The following PAM variants were observed in gnomAD, a reference collection of about 807,000 sequenced individuals.
The protein encoded by PAM is peptidylglycine alpha-amidating monooxygenase.
A neutral mutation model predicts 122.1 loss-of-function variants in PAM; 72 were observed. The observed-to-expected ratio is 0.59, with a 90% confidence interval of 0.49 to 0.72. The LOEUF (loss-of-function observed/expected upper bound fraction) is 0.72. Among genes scored for constraint, PAM ranks in the 30% least tolerant of loss-of-function variants. PAM has a pLI of 0.00. For synonymous variants in PAM, 389 were observed against 404.4 expected, an observed-to-expected ratio of 0.96 and a Z score of 0.46; for missense variants, 1,106 against 1,183.7, an observed-to-expected ratio of 0.93 and a Z score of 0.96.
At chr5:102,857,714 T>A (rs1484847488) in intron 1 of PAM, among the ~76,000 whole-genome samples, 1 of 152,160 alleles carries the variant, frequency 6.6e-6, no homozygotes, top group East Asian at 1.9e-4. Context: ...AAAATAGGAA[T>A]GATAATGGTA....
chr5:103,024,965 G>A (rs1467981037), intron 23 of PAM, among the ~76,000 whole-genome samples, 166 bp from the exon 24 acceptor site: 1 of 152,142 alleles, frequency 6.6e-6, no homozygotes, highest in Non-Finnish European at 1.5e-5. Flanking sequence ...TAATCACAAT[G>A]CCTGCTGCCA....
chr5:103,025,430 ATTTGTTTT>A (rs56374722), intron 24 of PAM, 96 bp downstream of exon 24: 29,636 of 1,042,320 alleles, frequency 0.028, 663 homozygotes, highest in South Asian at 0.066. Context: ...TTTTCACTGT[ATTTGTTTT>A]TTTGTTTTTA....
intron 1 of PAM, among the ~76,000 whole-genome samples, chr5:102,823,995 T>C (rs1024828405): frequency 1.3e-5 from 2 of 152,204 alleles, no homozygotes; most frequent in African/African-American, 4.8e-5. Context: ...TAAACATTAA[T>C]TCAGCTTATT....
chr5:102,758,100 T>G lies in PAM; in HGVS notation c.-374+2752T>G, dbSNP rs1184663858. 1.9e-3 allele frequency among the ~76,000 whole-genome samples: 192 copies of G among 103,510 alleles called. 6 individuals carry two copies. Among genetic ancestry groups the G allele is most frequent in the African/African-American group, 7.0e-3 (185 of 26,398 alleles). The allele number at this position is 103,510 out of a possible 152,430, so 67.9% of individuals were successfully genotyped here. A position where few individuals can be genotyped will look rare whatever the true frequency, so the allele number is the denominator to read the frequency against. On this transcript the variant is annotated intron_variant, in intron 1 of 25. Transcript: ENST00000438793. ...TTTTTTTTTTTTTTTTTTTTTTTTT[T>G]TTTTTTTTCTTGGGGCAAAGAATGA...
intron 1 of PAM, among the ~76,000 whole-genome samples, chr5:102,832,486 A>G (rs1193030793): frequency 2.6e-5 from 4 of 152,178 alleles, no homozygotes; most frequent in African/African-American, 9.7e-5. Context: ...CTACAAATAC[A>G]TATCTATGAT....
intron 5 of PAM, 132 bp from the exon 6 acceptor site, chr5:102,924,825 A>G: frequency 1.7e-6 from 1 of 602,046 alleles, no homozygotes. Flanking sequence ...TCTTAAAGCT[A>G]ATATCATGCA....
chr5:102,836,485 C>T (rs1777074753), intron 1 of PAM, among the ~76,000 whole-genome samples: 1 of 152,094 alleles, frequency 6.6e-6, no homozygotes, highest in African/African-American at 2.4e-5. Context: ...CCTACCTTGG[C>T]CTCCCAAAAT....
chr5:102,979,054 A>ACG (rs1768781504), intron 15 of PAM, among the ~76,000 whole-genome samples: 1 of 151,088 alleles, frequency 6.6e-6, no homozygotes, highest in Non-Finnish European at 1.5e-5. Context: ...ACACACACAC[A>ACG]CACACACGCA....
intron 4 of PAM, among the ~76,000 whole-genome samples, chr5:102,913,706 G>A (rs1289074481): frequency 6.6e-6 from 1 of 152,012 alleles, no homozygotes; most frequent in African/African-American, 2.4e-5. Flanking sequence ...GTGTGTGTGT[G>A]TATGTGGGTG....
intron 5 of PAM, among the ~76,000 whole-genome samples, chr5:102,924,738 CAAA>C (rs754344958): frequency 7.4e-6 from 1 of 135,418 alleles, no homozygotes; most frequent in Admixed American, 7.4e-5. Context: ...TCATATCAGG[CAAA>C]AAAAAAAAAA....
intron 16 of PAM, among the ~76,000 whole-genome samples, chr5:102,997,170 A>G (rs1275828461): frequency 6.6e-6 from 1 of 152,190 alleles, no homozygotes; most frequent in African/African-American, 2.4e-5. Flanking sequence ...AAAAAGACCC[A>G]GATAATTAGT....
intron 1 of PAM, among the ~76,000 whole-genome samples, chr5:102,766,127 T>A (rs1176555651): frequency 4.6e-5 from 7 of 152,148 alleles, no homozygotes; most frequent in Admixed American, 1.3e-4. Context: ...CCTAACCTTT[T>A]TGGCACCAGG....
chr5:102,903,379 C>T (rs950991230), intron 4 of PAM, among the ~76,000 whole-genome samples: 3 of 151,398 alleles, frequency 2.0e-5, no homozygotes, highest in African/African-American at 7.3e-5. Context: ...AAATGGAAAA[C>T]TAGAGACAAT....
chr5:102,828,120 C>G (rs947700737), intron 1 of PAM, among the ~76,000 whole-genome samples: 1 of 152,070 alleles, frequency 6.6e-6, no homozygotes, highest in African/African-American at 2.4e-5. Context: ...CAGCAGATTG[C>G]TTCAGCTCTG....
At chr5:102,905,342 A>G (rs971345550) in intron 4 of PAM, among the ~76,000 whole-genome samples, 2 of 151,660 alleles carry the variant, frequency 1.3e-5, no homozygotes, top group Non-Finnish European at 1.5e-5. Flanking sequence ...ACAGGTCCCT[A>G]TCTATCAAAT....
At chr5:102,845,198 C>T (rs764375124) in intron 1 of PAM, among the ~76,000 whole-genome samples, 2 of 152,128 alleles carry the variant, frequency 1.3e-5, no homozygotes, top group Admixed American at 6.6e-5. Flanking sequence ...TAACAAACAG[C>T]GTTTCAGATG....
intron 3 of PAM, among the ~76,000 whole-genome samples, 174 bp downstream of exon 3, chr5:102,867,567 T>C (rs1786006870): frequency 6.6e-6 from 1 of 152,252 alleles, no homozygotes; most frequent in Non-Finnish European, 1.5e-5. Flanking sequence ...TCTTTCAAGG[T>C]GAATCTTTCA....
At chr5:102,875,985 T>C (rs1789051608) in intron 3 of PAM, among the ~76,000 whole-genome samples, 1 of 152,234 alleles carries the variant, frequency 6.6e-6, no homozygotes, top group South Asian at 2.1e-4. Flanking sequence ...AACAGTGCTT[T>C]GATCTTTGTT....
chr5:102,871,067 C>G (rs1205389347), intron 3 of PAM, among the ~76,000 whole-genome samples: 1 of 152,094 alleles, frequency 6.6e-6, no homozygotes, highest in African/African-American at 2.4e-5. Flanking sequence ...TGTTTATTGC[C>G]TAAATCTAAC....
Sources: allele counts gnomAD v4.1 joint callset (sites outside exome capture counted in the v4.1 genomes callset), GRCh38; gene constraint gnomAD v4.1.1; transcripts MANE v1.5; gene names NCBI Gene and HGNC (gene_info 2026-07-23, HGNC 2026-07-21).